Variants in CHMP7 observed in about 807,000 individuals in gnomAD.
CHMP7 encodes charged multivesicular body protein 7, also known as CHMP family, member 7.
Under a neutral mutation model 53.7 loss-of-function variants are expected in CHMP7, and 15 were observed. The ratio of observed to expected loss-of-function variants is 0.28; its 90% CI spans 0.19 to 0.43. CHMP7 has a LOEUF of 0.43. CHMP7 is among the 20% of genes least tolerant of loss of function. The pLI, the probability that CHMP7 is intolerant of heterozygous loss-of-function variation, is 1.00. For missense variants in CHMP7, 527 were observed against 569.4 expected, an observed-to-expected ratio of 0.93 and a Z score of 0.76; for synonymous variants, 261 against 228.0, an observed-to-expected ratio of 1.14 and a Z score of -1.30.
Position 23,260,723 on chromosome 8 carries a change from A to T in CHMP7, c.*124A>T. ...AGGAGAAAGGAGAACCACTGATTTT[A>T]TCTGGATGCTACTACTTACTACAGG... On this transcript the variant is annotated 3_prime_UTR_variant, in exon 11 of 11. Transcript: ENST00000397677. The T allele has an allele frequency of 3.9e-6, 3 of 777,874 alleles. No individual in the cohort carries two copies. The highest frequency in any genetic ancestry group is 6.7e-6 in the Non-Finnish European group (3 of 447,916). The allele number at this position is 777,874 out of a possible 1,614,324, so 48.2% of individuals were successfully genotyped here.
At chr8:23,256,958 A>T (rs1432478817) in intron 5 of CHMP7, among the ~76,000 whole-genome samples, 2 of 151,796 alleles carry the variant, frequency 1.3e-5, no homozygotes, top group African/African-American at 4.8e-5. Flanking sequence ...ACGCCTGGCG[A>T]ATTTTTTATA....
intron 3 of CHMP7, chr8:23,254,791 TGGAA>T: frequency 4.6e-6 from 1 of 219,102 alleles, no homozygotes; most frequent in Non-Finnish European, 9.3e-6. Context: ...AGACTACAAT[TGGAA>T]GGGAATTAGA....
chr8:23,248,191 TGAA>T, intron 2 of CHMP7: 1 of 456,264 alleles, frequency 2.2e-6, no homozygotes, highest in South Asian at 1.5e-5. Flanking sequence ...AAACAGTAGT[TGAA>T]GAAGTCAGTG....
In CHMP7 at chr8:23,254,912, C is replaced by A. The variant is rs1443927972; in HGVS notation, c.472-335C>A. ...TGGAAATCAGGCCTCAGCTCTCGTT[C>A]ACAGCTGTTCTACCTCACCTCACCT... On this transcript the variant is annotated intron_variant, in intron 3 of 10. Coordinates refer to ENST00000397677, the MANE Select transcript of CHMP7 (RefSeq NM_152272.5). 7 of 385,592 alleles carry A rather than the reference C, an allele frequency of 1.8e-5. No homozygotes were observed. The East Asian group carries it at 4.1e-4, about 23-fold the overall frequency. 23.9% of individuals were successfully genotyped at this position (385,592 alleles called of 1,614,324 possible).
At chr8:23,254,285 A>G (rs1446905599) in intron 3 of CHMP7, among the ~76,000 whole-genome samples, 1 of 151,494 alleles carries the variant, frequency 6.6e-6, no homozygotes, top group Admixed American at 6.6e-5. Flanking sequence ...TCTGGTAGTA[A>G]TTTCCATGTA....
At chr8:23,258,196 G>T in intron 6 of CHMP7, 115 bp downstream of exon 6, 3 of 1,443,716 alleles carry the variant, frequency 2.1e-6, no homozygotes, top group Admixed American at 1.7e-5. Flanking sequence ...TCTGCAGGGG[G>T]CCCAGGCACC....
intron 4 of CHMP7, among the ~76,000 whole-genome samples, chr8:23,255,864 C>T (rs149550962): frequency 3.0e-4 from 45 of 151,118 alleles, no homozygotes; most frequent in African/African-American, 1.0e-3. Context: ...CGGGTTCAAG[C>T]GATTCTTCTG....
At chr8:23,257,354 C>T (rs746300870) in intron 5 of CHMP7, among the ~76,000 whole-genome samples, 3 of 152,154 alleles carry the variant, frequency 2.0e-5, no homozygotes, top group African/African-American at 4.8e-5. Flanking sequence ...CCTCAGCCTC[C>T]CAAAGTGCTG....
rs1439540096 is a variant in CHMP7, at chr8:23,246,869, G to T, written c.174G>T (p.Pro58=). 1.4e-5 allele frequency: 23 copies of T among 1,593,486 alleles called. No individual in the cohort carries two copies. The highest frequency in any genetic ancestry group is 1.9e-5 in the Non-Finnish European group (22 of 1,170,898). Reference sequence around the variant, plus strand: ...ACAGCAAGATGGGCTTCTGGGCGCCGTTGGTGCTGAGCCACAGCCGCCGCC... The same window carrying T: ...ACAGCAAGATGGGCTTCTGGGCGCCTTTGGTGCTGAGCCACAGCCGCCGCC... The part of the protein sequence containing the change: ...DWDSKMGFWA[P]LVLSHSRRQG... The change falls in exon 2 of 11, where the codon CCG becomes CCT. Residue 58 remains proline, a synonymous_variant. Transcript: ENST00000397677.
At chr8:23,255,036 G>C (rs1230208739) in intron 3 of CHMP7, 2 of 597,058 alleles carry the variant, frequency 3.3e-6, no homozygotes, top group Non-Finnish European at 6.0e-6. Context: ...CATCTCATGT[G>C]CCTCATTTCA....
At chr8:23,249,848 C>T (rs1266664717) in intron 3 of CHMP7, among the ~76,000 whole-genome samples, 1 of 152,132 alleles carries the variant, frequency 6.6e-6, no homozygotes, top group Non-Finnish European at 1.5e-5. Flanking sequence ...TCGAAGAGGC[C>T]ACTGGGGCCA....
rs1020246544 is a variant in CHMP7, at chr8:23,260,769, C to T, written c.*170C>T. ...ACAGGACAGATAGAATTTCTGGAAG[C>T]GATGCTCCAAAGGCTTGCTCCCAGC... On this transcript the variant is annotated 3_prime_UTR_variant, in exon 11 of 11. Transcript: ENST00000397677. The T allele has an allele frequency of 7.6e-5, 48 of 634,900 alleles. No individual in the cohort carries two copies. Among genetic ancestry groups the T allele is most frequent in the Non-Finnish European group, 1.2e-4 (44 of 360,344 alleles). 39.3% of individuals were successfully genotyped at this position (634,900 alleles called of 1,614,324 possible).
intron 1 of CHMP7, among the ~76,000 whole-genome samples, chr8:23,245,313 T>C (rs1252456088): frequency 6.6e-6 from 1 of 152,236 alleles, no homozygotes; most frequent in East Asian, 1.9e-4. Context: ...CCTCTATTCC[T>C]AGAGTGCCGA....
intron 6 of CHMP7, 30 bp downstream of exon 6, chr8:23,258,111 C>T (rs755570376): frequency 6.3e-7 from 1 of 1,591,434 alleles, no homozygotes; most frequent in Non-Finnish European, 8.6e-7. Context: ...AGACCCATAG[C>T]AGTGCCCCAG....
At chr8:23,248,143 A>C (rs1801784508) in intron 2 of CHMP7, 1 of 456,070 alleles carries the variant, frequency 2.2e-6, no homozygotes, top group South Asian at 1.5e-5. Context: ...CATACAGTGG[A>C]AACCGTTTTC....
chr8:23,251,775 A>T (rs1160695237), intron 3 of CHMP7, among the ~76,000 whole-genome samples: 2 of 152,202 alleles, frequency 1.3e-5, no homozygotes, highest in East Asian at 3.8e-4. Flanking sequence ...GCCACAATTT[A>T]TGCAACAGGT....
chr8:23,260,652 T>G lies in CHMP7; in HGVS notation c.*53T>G, dbSNP rs1334383130. ...AAAGAGAGACCAGGCTTGCTGGGTG[T>G]GTACATAGTTATTTAAACAAGAAAC... On this transcript the variant is annotated 3_prime_UTR_variant, in exon 11 of 11. Coordinates refer to ENST00000397677, the MANE Select transcript of CHMP7 (RefSeq NM_152272.5). 8 of 1,324,562 alleles carry G rather than the reference T, an allele frequency of 6.0e-6. No homozygotes were observed. The highest frequency in any genetic ancestry group is 8.7e-6 in the Non-Finnish European group (8 of 918,378). The allele number at this position is 1,324,562 out of a possible 1,614,324, so 82.1% of individuals were successfully genotyped here. A position where few individuals can be genotyped will look rare whatever the true frequency, so the allele number is the denominator to read the frequency against.
chr8:23,243,893 A>T (rs1403562698), intron 1 of CHMP7, 49 bp downstream of exon 1: 1 of 152,198 alleles, frequency 6.6e-6, no homozygotes, highest in Non-Finnish European at 1.5e-5. Context: ...CCCCAATGAC[A>T]TATGATGTTG....
intron 2 of CHMP7, chr8:23,248,326 C>A: frequency 2.6e-6 from 1 of 382,060 alleles, no homozygotes. Flanking sequence ...TGCTGGTGCT[C>A]CACTGAAGCT....
Sources: allele counts gnomAD v4.1 joint callset (sites outside exome capture counted in the v4.1 genomes callset), GRCh38; gene constraint gnomAD v4.1.1; transcripts MANE v1.5; gene names NCBI Gene and HGNC (gene_info 2026-07-23, HGNC 2026-07-21).